Variants in TDRD12 observed in about 807,000 individuals in gnomAD.
The protein encoded by TDRD12 is putative ATP-dependent RNA helicase TDRD12.
Under a neutral mutation model 133.5 loss-of-function variants are expected in TDRD12, and 158 were observed. That is an observed-to-expected ratio of 1.18 (90% CI 1.04 to 1.35). The LOEUF (loss-of-function observed/expected upper bound fraction) is 1.35, where lower values mean the gene tolerates loss of function less well. TDRD12 is among the 40% of genes most tolerant of loss of function. TDRD12 has a pLI of 0.00. For missense variants in TDRD12, 1,443 were observed against 1,321.3 expected, an observed-to-expected ratio of 1.09 and a Z score of -1.43; for synonymous variants, 460 against 477.9, an observed-to-expected ratio of 0.96 and a Z score of 0.49.
intron 8 of TDRD12, among the ~76,000 whole-genome samples, chr19:32,768,482 T>C (rs1395779521): frequency 6.6e-6 from 1 of 150,546 alleles, no homozygotes; most frequent in African/African-American, 2.4e-5. Flanking sequence ...CTCAAACACC[T>C]CAGCCTCCCG....
Position 32,737,633 on chromosome 19 carries a change from G to A in TDRD12, c.184-1223G>A, listed in dbSNP as rs888950449. Among the ~76,000 whole-genome samples, 9 of 152,228 alleles carry A rather than the reference G, an allele frequency of 5.9e-5. No homozygotes were observed. In the East Asian group the frequency reaches 1.5e-3, roughly 26 times the overall value. On this transcript the variant is annotated intron_variant, in intron 2 of 27. Transcript: ENST00000444215. ...CAGCCTCCAATTCCTGGGTTCAAGC[G>A]ATCCTCCCACCTCAGCCTCCTAAGT...
chr19:32,780,084 C>CT (rs11395360), intron 11 of TDRD12, among the ~76,000 whole-genome samples: 62,212 of 127,688 alleles, frequency 0.49, 15,880 homozygotes, highest in East Asian at 0.7. Context: ...TTTTTCTTTT[C>CT]TTTTTTTTTT....
At position 32,742,913 on chromosome 19, in the gene TDRD12, T is replaced by C; in HGVS notation, c.440+13T>C. On this transcript the variant is annotated intron_variant, in intron 4 of 27. Coordinates refer to ENST00000444215, the Ensembl canonical transcript of TDRD12. ...GTACTGACATTGTGTAAGTACAGTT[T>C]CTTAAGTCCTTCGAATCATTAGTAA... is the stretch of plus-strand genomic sequence containing the variant. 6.5e-7 allele frequency: 1 copy of C among 1,548,550 alleles called. No homozygotes were observed. Among genetic ancestry groups the C allele is most frequent in the Non-Finnish European group, 8.7e-7 (1 of 1,146,312 alleles).
At chr19:32,738,729 C>A in intron 2 of TDRD12, 127 bp from the exon 3 acceptor site, 1 of 1,031,562 alleles carries the variant, frequency 9.7e-7, no homozygotes, top group South Asian at 1.8e-5. Flanking sequence ...AGGAGAATTG[C>A]TTGAACCTGG....
chr19:32,754,924 C>T (rs190713772), intron 6 of TDRD12, among the ~76,000 whole-genome samples: 35 of 152,186 alleles, frequency 2.3e-4, no homozygotes, highest in African/African-American at 5.5e-4. Context: ...CAGGGAGGTT[C>T]GTGCTTAGCT....
chr19:32,748,544 C>G lies in TDRD12; in HGVS notation c.496+13C>G, dbSNP rs4805805. ...AACCTTCTGAAAGGTAAGCCAGTGC[C>G]TGATCACTGCAGCCTGCCTGGAAGT... On this transcript the variant is annotated intron_variant, in intron 5 of 27. Coordinates refer to ENST00000444215, the Ensembl canonical transcript of TDRD12. The G allele has an allele frequency of 0.53, 820,384 of 1,548,502 alleles. 220,381 individuals carry two copies. The highest frequency in any genetic ancestry group is 0.85 in the East Asian group (34,815 of 40,852).
At chr19:32,747,027 A>AGT (rs1969670010) in intron 4 of TDRD12, among the ~76,000 whole-genome samples, 1 of 138,616 alleles carries the variant, frequency 7.2e-6, no homozygotes. Context: ...ATTCTGTGAG[A>AGT]GAGGAGGGGA....
At chr19:32,820,082 G>T (rs1376301528) in intron 27 of TDRD12, among the ~76,000 whole-genome samples, 2 of 152,088 alleles carry the variant, frequency 1.3e-5, no homozygotes, top group African/African-American at 4.8e-5. Flanking sequence ...TCTATCGAAG[G>T]AGAAGAGGGT....
At chr19:32,772,044 A>G (rs1269481490) in intron 8 of TDRD12, among the ~76,000 whole-genome samples, 1 of 152,160 alleles carries the variant, frequency 6.6e-6, no homozygotes, top group Non-Finnish European at 1.5e-5. Flanking sequence ...GGAATTCGGA[A>G]TGGGCATGGC....
At chr19:32,798,345 G>C in exon 16 of TDRD12, 1 of 1,535,772 alleles carries the variant, frequency 6.5e-7, no homozygotes, top group Admixed American at 2.0e-5. Flanking sequence ...GCCTGCTGAG[G>C]CTTCTCGCCT....
chr19:32,754,669 C>CTTTTTTTTTTT (rs35714049), intron 6 of TDRD12, among the ~76,000 whole-genome samples: 1 of 70,074 alleles, frequency 1.4e-5, no homozygotes, highest in Non-Finnish European at 2.5e-5. Context: ...ATGACTCTAT[C>CTTTTTTTTTTT]TTTTTTTTTT....
chr19:32,806,604 AGTGCTGGGATTACAGGCATGAGCCACC>A (rs1216178216), intron 21 of TDRD12, among the ~76,000 whole-genome samples: 1 of 152,084 alleles, frequency 6.6e-6, no homozygotes, highest in Non-Finnish European at 1.5e-5. Context: ...AGCCTCCCAC[AGTGCTGGGATTACAGGCATGAGCCACC>A]GTCCCCAGCC....
chr19:32,809,240 G>A (rs746382868), intron 22 of TDRD12, among the ~76,000 whole-genome samples: 2 of 152,210 alleles, frequency 1.3e-5, no homozygotes, highest in Non-Finnish European at 2.9e-5. Context: ...TGGAGGGACA[G>A]TGTGGAGATT....
At chr19:32,787,422 G>T (rs1970939426) in intron 11 of TDRD12, among the ~76,000 whole-genome samples, 1 of 152,188 alleles carries the variant, frequency 6.6e-6, no homozygotes, top group Admixed American at 6.5e-5. Flanking sequence ...CAGAGCTCAG[G>T]TGCTGTGCTG....
chr19:32,772,149 C>G (rs1037369280), intron 8 of TDRD12, among the ~76,000 whole-genome samples: 2 of 152,176 alleles, frequency 1.3e-5, no homozygotes, highest in Non-Finnish European at 2.9e-5. Flanking sequence ...TCTGAGGACT[C>G]AGGCACGTTC....
intron 8 of TDRD12, among the ~76,000 whole-genome samples, chr19:32,769,924 CTG>C (rs779895978): frequency 4.6e-5 from 7 of 152,134 alleles, no homozygotes; most frequent in Admixed American, 2.0e-4. Context: ...GCATGAGCCA[CTG>C]TGCCCAGCCT....
intron 11 of TDRD12, among the ~76,000 whole-genome samples, chr19:32,780,261 T>C (rs184675002): frequency 1.2e-4 from 18 of 152,214 alleles, no homozygotes; most frequent in Admixed American, 2.6e-4. Flanking sequence ...CTTTTTTGTA[T>C]TTTTAATAGA....
chr19:32,761,835 G>A (rs557088006), intron 8 of TDRD12, among the ~76,000 whole-genome samples: 6 of 151,674 alleles, frequency 4.0e-5, no homozygotes, highest in Admixed American at 2.6e-4. Flanking sequence ...ACAGGTGCCC[G>A]CCACCATGCC....
At chr19:32,774,826 TAAA>T (rs902144595) in intron 10 of TDRD12, among the ~76,000 whole-genome samples, 1 of 151,450 alleles carries the variant, frequency 6.6e-6, no homozygotes, top group Non-Finnish European at 1.5e-5. Flanking sequence ...CTACTGAAAA[TAAA>T]AAAAAGTTAG....
Sources: allele counts gnomAD v4.1 joint callset (sites outside exome capture counted in the v4.1 genomes callset), GRCh38; gene constraint gnomAD v4.1.1; transcripts MANE v1.5; gene names NCBI Gene and HGNC (gene_info 2026-07-23, HGNC 2026-07-21).